SKAP1: variants seen among roughly 807,000 people sequenced by gnomAD.
The protein encoded by SKAP1 is src kinase associated phosphoprotein 1.
Under a neutral mutation model 58.5 loss-of-function variants are expected in SKAP1, and 44 were observed. That is an observed-to-expected ratio of 0.75 (90% CI 0.59 to 0.97). SKAP1 has a LOEUF of 0.97. Ranked by LOEUF, SKAP1 falls within the 50% of genes least tolerant of loss-of-function variation. The pLI, the probability that SKAP1 is intolerant of heterozygous loss-of-function variation, is 0.00. For missense variants in SKAP1, 390 were observed against 435.2 expected (o/e 0.90, Z 0.92); for synonymous variants, 127 against 149.7 (o/e 0.85, Z 1.11).
Position 48,264,745 on chromosome 17 carries a change from A to AACACACACACACACAC in SKAP1, c.281-75261_281-75246dup, listed in dbSNP as rs55733017. 1.5e-3 allele frequency among the ~76,000 whole-genome samples: 215 copies of AACACACACACACACAC among 142,854 alleles called. 1 individual carries two copies. Among genetic ancestry groups the AACACACACACACACAC allele is most frequent in the South Asian group, 3.9e-3 (17 of 4,314 alleles). The allele number at this position is 142,854 out of a possible 152,430, so 93.7% of individuals were successfully genotyped here. ...AACTTACATTTAATCAAATCTACAAAACACACACACACACACACACACACA... is the reference window on the plus strand; with the variant it reads ...AACTTACATTTAATCAAATCTACAAAACACACACACACACACACACACACACACACACACACACACA... On this transcript the variant is annotated intron_variant, in intron 4 of 12. Coordinates refer to ENST00000336915, the MANE Select transcript of SKAP1 (RefSeq NM_003726.4).
the SKAP1 span, among the ~76,000 whole-genome samples, chr17:48,443,683 C>T: frequency 6.6e-6 from 1 of 152,134 alleles, no homozygotes; most frequent in African/African-American, 2.4e-5. Context: ...TCCATGTTGG[C>T]CAGGCTTGTC....
chr17:48,222,750 A>G (rs577548807), intron 4 of SKAP1, among the ~76,000 whole-genome samples: 34 of 151,370 alleles, frequency 2.2e-4, no homozygotes, highest in African/African-American at 7.5e-4. Context: ...AGTGCTGTAG[A>G]ATAATTTTAA....
intron 4 of SKAP1, among the ~76,000 whole-genome samples, chr17:48,306,442 A>G (rs2066143863): frequency 6.6e-6 from 1 of 152,068 alleles, no homozygotes; most frequent in Admixed American, 6.5e-5. Flanking sequence ...CCAGTTGGTC[A>G]CTCCATTACG....
At chr17:48,311,031 C>A (rs1355624914) in intron 4 of SKAP1, among the ~76,000 whole-genome samples, 2 of 152,154 alleles carry the variant, frequency 1.3e-5, no homozygotes, top group African/African-American at 2.4e-5. Flanking sequence ...CCTTCGCCGC[C>A]CCCCCAGGCT....
Position 48,201,598 on chromosome 17 carries a change from G to A in SKAP1, c.281-12098C>T, listed in dbSNP as rs145013642. On this transcript the variant is annotated intron_variant, in intron 4 of 12. Coordinates refer to ENST00000336915, the MANE Select transcript of SKAP1 (RefSeq NM_003726.4). ...GACAGGGTCTCACTATGTTTCCCAGGCTGGTCTTGAACTCCTGGTCTCAAA... is the reference window on the plus strand; with the variant it reads ...GACAGGGTCTCACTATGTTTCCCAGACTGGTCTTGAACTCCTGGTCTCAAA... 1.5e-4 allele frequency among the ~76,000 whole-genome samples: 23 copies of A among 152,154 alleles called. No homozygotes were observed. In the East Asian group the frequency reaches 1.9e-3, roughly 13 times the overall value.
intron 3 of SKAP1, among the ~76,000 whole-genome samples, chr17:48,356,838 A>G (rs538751578): frequency 6.6e-6 from 1 of 152,198 alleles, no homozygotes; most frequent in Non-Finnish European, 1.5e-5. Flanking sequence ...TAATAGATAC[A>G]TATGTATCCT....
intron 4 of SKAP1, among the ~76,000 whole-genome samples, chr17:48,313,242 C>T (rs1027368865): frequency 2.6e-5 from 4 of 152,004 alleles, no homozygotes; most frequent in African/African-American, 9.7e-5. Context: ...ATTCCCCATG[C>T]GTTCCCCTTC....
At chr17:48,231,198 A>G (rs1450345848) in intron 4 of SKAP1, among the ~76,000 whole-genome samples, 1 of 152,204 alleles carries the variant, frequency 6.6e-6, no homozygotes, top group Non-Finnish European at 1.5e-5. Context: ...GTTTCACCAG[A>G]TATCAGAATG....
At chr17:48,139,957 C>G (rs1289715508) in intron 11 of SKAP1, among the ~76,000 whole-genome samples, 1 of 152,228 alleles carries the variant, frequency 6.6e-6, no homozygotes, top group Non-Finnish European at 1.5e-5. Flanking sequence ...TGGAGACTGA[C>G]CATTGCCTGT....
chr17:48,237,480 TA>T (rs1391179377), intron 4 of SKAP1, among the ~76,000 whole-genome samples: 1 of 152,222 alleles, frequency 6.6e-6, no homozygotes, highest in Non-Finnish European at 1.5e-5. Context: ...GCTGCCTTAC[TA>T]AAGATTGTGT....
intron 8 of SKAP1, 39 bp downstream of exon 8, chr17:48,182,355 A>T (rs1380186287): frequency 7.0e-7 from 1 of 1,433,514 alleles, no homozygotes; most frequent in East Asian, 2.3e-5. Context: ...TTCAACTGCA[A>T]ATCAACTCAA....
chr17:48,293,760 A>C (rs756286295), intron 4 of SKAP1, among the ~76,000 whole-genome samples: 3 of 152,220 alleles, frequency 2.0e-5, no homozygotes, highest in Non-Finnish European at 4.4e-5. Context: ...ATGGAGTCAG[A>C]CTGAAATCTA....
At chr17:48,400,625 C>T (rs912313098) in intron 1 of SKAP1, among the ~76,000 whole-genome samples, 7 of 152,012 alleles carry the variant, frequency 4.6e-5, no homozygotes, top group Admixed American at 4.6e-4. Context: ...TGGTGCACAT[C>T]TGTGGTCCCA....
intron 2 of SKAP1, among the ~76,000 whole-genome samples, chr17:48,387,222 G>T (rs1425282074): frequency 1.3e-5 from 2 of 152,140 alleles, no homozygotes; most frequent in Non-Finnish European, 2.9e-5. Context: ...TTCTTTTAAA[G>T]AATAGTATCA....
At chr17:48,232,739 T>C (rs1271463159) in intron 4 of SKAP1, among the ~76,000 whole-genome samples, 2 of 152,060 alleles carry the variant, frequency 1.3e-5, no homozygotes, top group African/African-American at 4.8e-5. Context: ...GAGAAAAGGA[T>C]TAATAATAGG....
intron 4 of SKAP1, among the ~76,000 whole-genome samples, chr17:48,218,694 T>A (rs2064968941): frequency 6.6e-6 from 1 of 152,214 alleles, no homozygotes; most frequent in Non-Finnish European, 1.5e-5. Flanking sequence ...CACATTTTAT[T>A]GTGACTTTGT....
intron 4 of SKAP1, among the ~76,000 whole-genome samples, chr17:48,332,719 G>A (rs879260566): frequency 6.6e-6 from 1 of 152,022 alleles, no homozygotes; most frequent in Non-Finnish European, 1.5e-5. Context: ...ATTTATGAGC[G>A]CTGAAAGAAT....
At chr17:48,299,031 G>A (rs1182359463) in intron 4 of SKAP1, among the ~76,000 whole-genome samples, 4 of 152,122 alleles carry the variant, frequency 2.6e-5, no homozygotes, top group East Asian at 1.9e-4. Context: ...AGGAACATTC[G>A]TATTTATAAT....
chr17:48,371,081 G>T (rs2067078564), intron 2 of SKAP1, among the ~76,000 whole-genome samples: 1 of 152,124 alleles, frequency 6.6e-6, no homozygotes, highest in African/African-American at 2.4e-5. Flanking sequence ...TAAACATTAG[G>T]TACTTATGAA....
Sources: gnomAD v4.1 joint callset for allele counts (sites outside exome capture counted in the v4.1 genomes callset) on GRCh38, gnomAD v4.1.1 for gene constraint, MANE v1.5 for transcripts, NCBI Gene and HGNC (gene_info 2026-07-23, HGNC 2026-07-21) for gene names.